MCTP2: variants seen among roughly 807,000 people sequenced by gnomAD.
The protein encoded by MCTP2 is multiple C2 and transmembrane domain containing 2.
A neutral mutation model predicts 111.6 loss-of-function variants in MCTP2; 132 were observed. That is an observed-to-expected ratio of 1.18 (90% CI 1.03 to 1.37). The LOEUF (loss-of-function observed/expected upper bound fraction) is 1.37. MCTP2 is among the 40% of genes most tolerant of loss of function. MCTP2 has a pLI of 0.00. For missense variants in MCTP2, 1,183 were observed against 1,067.9 expected (o/e 1.11, Z -1.50); for synonymous variants, 395 against 387.7 (o/e 1.02, Z -0.22).
At chr15:94,366,246 T>G (rs774581010) in intron 10 of MCTP2, among the ~76,000 whole-genome samples, 2 of 152,334 alleles carry the variant, frequency 1.3e-5, no homozygotes, top group East Asian at 3.9e-4. Context: ...ACTTTTTTTG[T>G]AATTTGTCTC....
intron 2 of MCTP2, among the ~76,000 whole-genome samples, chr15:94,311,705 T>C (rs927118266): frequency 3.3e-5 from 5 of 152,238 alleles, no homozygotes; most frequent in Admixed American, 1.3e-4. Flanking sequence ...CCAGCCATAA[T>C]GTTGAATTAA....
chr15:94,413,147 G>C (rs1377910598), intron 17 of MCTP2, among the ~76,000 whole-genome samples: 1 of 152,162 alleles, frequency 6.6e-6, no homozygotes, highest in Non-Finnish European at 1.5e-5. Context: ...TAGTCCTGCA[G>C]GTGGCGATAG....
At chr15:94,388,359 C>G (rs1226491580) in intron 14 of MCTP2, among the ~76,000 whole-genome samples, 1 of 152,160 alleles carries the variant, frequency 6.6e-6, no homozygotes, top group Non-Finnish European at 1.5e-5. Context: ...ATTTCCAATT[C>G]CTGACTGATA....
At chr15:94,245,094 A>T (rs1436344177) in intron 1 of MCTP2, among the ~76,000 whole-genome samples, 2 of 149,704 alleles carry the variant, frequency 1.3e-5, no homozygotes, top group African/African-American at 2.4e-5. Context: ...ACACATACAT[A>T]TGTACCTATG....
At chr15:94,330,462 A>G (rs2077080415) in intron 4 of MCTP2, among the ~76,000 whole-genome samples, 1 of 152,214 alleles carries the variant, frequency 6.6e-6, no homozygotes, top group Non-Finnish European at 1.5e-5. Context: ...CACCCTTTAT[A>G]CAGATTCTAA....
At chr15:94,284,838 G>C (rs1207465001) in intron 1 of MCTP2, among the ~76,000 whole-genome samples, 1 of 152,012 alleles carries the variant, frequency 6.6e-6, no homozygotes, top group Non-Finnish European at 1.5e-5. Context: ...AAAATAGCAG[G>C]GTTAGAACAC....
chr15:94,391,255 G>A (rs924594786), intron 14 of MCTP2, among the ~76,000 whole-genome samples: 11 of 152,116 alleles, frequency 7.2e-5, no homozygotes, highest in South Asian at 6.2e-4. Context: ...TAAATGCCAT[G>A]TGTATCTCCA....
chr15:94,385,345 A>G (rs2080395274), intron 13 of MCTP2, 78 bp from the exon 14 acceptor site: 5 of 967,182 alleles, frequency 5.2e-6, no homozygotes, highest in Non-Finnish European at 8.3e-6. Flanking sequence ...TTAATTAGTG[A>G]AACAGTGTTT....
intron 19 of MCTP2, among the ~76,000 whole-genome samples, chr15:94,452,300 A>G (rs1481862631): frequency 6.6e-6 from 1 of 152,208 alleles, no homozygotes; most frequent in Non-Finnish European, 1.5e-5. Context: ...TGCAGTACAG[A>G]GAGTGAAAAG....
intron 2 of MCTP2, 115 bp downstream of exon 2, chr15:94,298,845 T>TCG (rs1234388115): frequency 3.2e-5 from 11 of 341,556 alleles, no homozygotes; most frequent in Admixed American, 8.9e-5. Context: ...TCCCTCTCTC[T>TCG]TCCCCCCTCC....
At chr15:94,371,955 G>A (rs1169695562) in intron 12 of MCTP2, among the ~76,000 whole-genome samples, 1 of 152,192 alleles carries the variant, frequency 6.6e-6, no homozygotes, top group Non-Finnish European at 1.5e-5. Context: ...TTTCAGGCCA[G>A]TGTATCATCT....
chr15:94,483,137 G>A lies in MCTP2; in HGVS notation c.*4103G>A, dbSNP rs1596896514. 6.6e-6 allele frequency: 1 copy of A among 152,228 alleles called. No individual in the cohort carries two copies. Among genetic ancestry groups the A allele is most frequent in the Admixed American group, 6.5e-5 (1 of 15,284 alleles). 9.4% of individuals were successfully genotyped at this position (152,228 alleles called of 1,614,324 possible). ...TTGGGATTATTTTAGTAAGAAAACA[G>A]AGGTGTCATGACCTCAGTGTAACCC... is the stretch of plus-strand genomic sequence containing the variant. On this transcript the variant is annotated 3_prime_UTR_variant, in exon 23 of 23. Transcript: ENST00000357742.
intron 2 of MCTP2, among the ~76,000 whole-genome samples, chr15:94,299,049 C>G (rs1332674595): frequency 9.0e-5 from 12 of 133,498 alleles, no homozygotes; most frequent in African/African-American, 3.1e-4. Context: ...CCCCCTTCCC[C>G]TTCCCCTCCC....
chr15:94,398,930 C>T, intron 14 of MCTP2, 31 bp from the exon 15 acceptor site: 1 of 1,326,984 alleles, frequency 7.5e-7, no homozygotes, highest in Non-Finnish European at 1.1e-6. Context: ...AATTTTGCAC[C>T]AATGTGTATT....
chr15:94,390,068 A>ATATATATATATATATATGTG (rs2080803985), intron 14 of MCTP2, among the ~76,000 whole-genome samples: 1 of 25,838 alleles, frequency 3.9e-5, no homozygotes, highest in African/African-American at 9.2e-5. Context: ...ATATATATAT[A>ATATATATATATATATATGTG]TATATATATA....
intron 2 of MCTP2, among the ~76,000 whole-genome samples, chr15:94,303,980 G>C (rs2075768312): frequency 6.6e-6 from 1 of 152,116 alleles, no homozygotes; most frequent in Non-Finnish European, 1.5e-5. Context: ...ATTGGTCCTG[G>C]GCAAGGGCAT....
In MCTP2 at chr15:94,315,588, C is replaced by T. The variant is rs747383664; in HGVS notation, c.588C>T (p.Leu196=). The change falls in exon 4 of 23, where the codon CTC becomes CTT. Residue 196 remains leucine (L), a synonymous_variant. Coordinates refer to ENST00000357742, the MANE Select transcript of MCTP2 (RefSeq NM_001385001.1). ...SNLPSPFAYL[L]TIHLKEGRNL... ...TCCCCAGCCCTTTTGCGTACCTCCT[C>T]ACCATACACCTGAAGGAAGGCCGGA... is the stretch of plus-strand genomic sequence containing the variant. 5.0e-6 allele frequency: 8 copies of T among 1,614,174 alleles called. No individual in the cohort carries two copies. The highest frequency in any genetic ancestry group is 2.2e-5 in the South Asian group (2 of 91,080).
intron 14 of MCTP2, among the ~76,000 whole-genome samples, chr15:94,387,828 C>T (rs2080602460): frequency 6.6e-6 from 1 of 152,046 alleles, no homozygotes; most frequent in African/African-American, 2.4e-5. Flanking sequence ...CCAGGGAGGG[C>T]CTCATGGAAA....
chr15:94,463,408 C>T (rs2085332902), intron 20 of MCTP2, among the ~76,000 whole-genome samples: 2 of 152,124 alleles, frequency 1.3e-5, no homozygotes, highest in African/African-American at 2.4e-5. Context: ...CTACCTGTTA[C>T]TCACATATAG....
Sources: gnomAD v4.1 joint callset for allele counts (sites outside exome capture counted in the v4.1 genomes callset) on GRCh38, gnomAD v4.1.1 for gene constraint, MANE v1.5 for transcripts, NCBI Gene and HGNC (gene_info 2026-07-23, HGNC 2026-07-21) for gene names.